LMAN2L: variants seen among roughly 807,000 people sequenced by gnomAD.
The protein encoded by LMAN2L is VIP36-like protein.
Under a neutral mutation model 44.3 loss-of-function variants are expected in LMAN2L, and 30 were observed. That is an observed-to-expected ratio of 0.68 (90% CI 0.51 to 0.92). The LOEUF (loss-of-function observed/expected upper bound fraction) is 0.92. Among genes scored for constraint, LMAN2L ranks in the 40% least tolerant of loss-of-function variants. The pLI, the probability that LMAN2L is intolerant of heterozygous loss-of-function variation, is 0.00. For missense variants in LMAN2L, 429 were observed against 446.1 expected (o/e 0.96, Z 0.35); for synonymous variants, 183 against 171.1 (o/e 1.07, Z -0.54).
In LMAN2L at chr2:96,715,165, C is replaced by T. The variant is rs147846020; in HGVS notation, c.508-3140G>A. Among the ~76,000 whole-genome samples the T allele has an allele frequency of 7.2e-3, 1,096 of 152,254 alleles. 15 individuals are homozygous for T. Among genetic ancestry groups the T allele is most frequent in the African/African-American group, 0.025 (1,021 of 41,536 alleles). ...TGTTGGTCAGGCTGGTCTCGAACTCCTGATCTCGTGATCTGCCCGTCTTGG... is the reference window on the plus strand; with the variant it reads ...TGTTGGTCAGGCTGGTCTCGAACTCTTGATCTCGTGATCTGCCCGTCTTGG... On this transcript the variant is annotated intron_variant, in intron 4 of 7. Coordinates refer to ENST00000264963, the MANE Select transcript of LMAN2L (RefSeq NM_030805.4).
chr2:96,737,899 C>CT, intron 2 of LMAN2L, 50 bp downstream of exon 2: 1 of 1,190,068 alleles, frequency 8.4e-7, no homozygotes, highest in South Asian at 1.2e-5. Flanking sequence ...CACTGCTGAA[C>CT]TTTTTAGGCC....
At chr2:96,722,048 A>T (rs907527170) in intron 4 of LMAN2L, among the ~76,000 whole-genome samples, 2 of 151,810 alleles carry the variant, frequency 1.3e-5, no homozygotes, top group Non-Finnish European at 2.9e-5. Context: ...GCTCACTGCA[A>T]GCTCCGCCTG....
At chr2:96,719,551 C>G (rs1204149989) in intron 4 of LMAN2L, among the ~76,000 whole-genome samples, 5 of 151,000 alleles carry the variant, frequency 3.3e-5, no homozygotes, top group Non-Finnish European at 5.9e-5. Flanking sequence ...AGTTCAAGAC[C>G]AGCCTTGAAA....
chr2:96,714,217 T>TA (rs1386546516), intron 4 of LMAN2L, among the ~76,000 whole-genome samples: 1 of 152,182 alleles, frequency 6.6e-6, no homozygotes, highest in African/African-American at 2.4e-5. Flanking sequence ...CTCAAGTAAT[T>TA]AGAGGGAGTC....
At chr2:96,716,064 T>C (rs2153323944) in intron 4 of LMAN2L, among the ~76,000 whole-genome samples, 1 of 152,316 alleles carries the variant, frequency 6.6e-6, no homozygotes, top group East Asian at 1.9e-4. Context: ...CAGGTACTCA[T>C]ATATATATAA....
rs1427333672 is a variant in LMAN2L at position 96,733,533 on chromosome 2, C to T, written c.493G>A (p.Glu165Lys). ...CTTGCCATTACCTCTTGCTGCTTCTCCTCATTGGGGTAGGTGTCTACAAAT... is the reference window on the plus strand; with the variant it reads ...CTTGCCATTACCTCTTGCTGCTTCTTCTCATTGGGGTAGGTGTCTACAAAT... ...GVFVDTYPNE[E>K]KQQERVFPYI... Residue 165 changes from glutamate (E) to lysine (K), a missense_variant, in exon 4 of 8, where the codon GAG (glutamate) becomes AAG (lysine). Physicochemically the swap from Glu to Lys is moderately conservative, Grantham distance 56. Coordinates refer to ENST00000264963, the MANE Select transcript of LMAN2L (RefSeq NM_030805.4). The T allele has an allele frequency of 6.2e-7, 1 of 1,613,726 alleles. No individual in the cohort carries two copies. Among genetic ancestry groups the T allele is most frequent in the Non-Finnish European group, 8.5e-7 (1 of 1,179,800 alleles).
At chr2:96,737,624 GTCT>G (rs1198559757) in intron 2 of LMAN2L, among the ~76,000 whole-genome samples, 9 of 152,262 alleles carry the variant, frequency 5.9e-5, no homozygotes, top group African/African-American at 2.2e-4. Context: ...CTGCACTCTG[GTCT>G]TCTTATAATC....
Position 96,733,512 on chromosome 2 carries a change from C to CTG in LMAN2L, c.507+6_507+7insCA, listed in dbSNP as rs776572510. 5 of 1,608,926 alleles carry CTG rather than the reference C, an allele frequency of 3.1e-6. No homozygotes were observed. In the African/African-American group the frequency reaches 6.7e-5, roughly 22 times the overall value. ...TAGCTGACCTAGGCTCTGACACTTG[C>CTG]CATTACCTCTTGCTGCTTCTCCTCA... On this transcript the variant is annotated splice_region_variant and intron_variant, in intron 4 of 7. Transcript: ENST00000264963.
intron 4 of LMAN2L, among the ~76,000 whole-genome samples, chr2:96,721,740 A>G (rs1194244788): frequency 1.3e-5 from 2 of 152,100 alleles, no homozygotes; most frequent in Admixed American, 6.6e-5. Flanking sequence ...TTGGCCTCCC[A>G]AAGTGTTGGG....
intron 4 of LMAN2L, among the ~76,000 whole-genome samples, chr2:96,723,855 G>A (rs1242076549): frequency 3.3e-5 from 5 of 152,092 alleles, no homozygotes; most frequent in Non-Finnish European, 2.9e-5. Flanking sequence ...CTGGGAGGCC[G>A]ACGCGGGTGG....
intron 4 of LMAN2L, among the ~76,000 whole-genome samples, chr2:96,732,316 G>GT (rs1264336170): frequency 6.6e-6 from 1 of 151,888 alleles, no homozygotes; most frequent in Admixed American, 6.6e-5. Flanking sequence ...TGGCAGTGCC[G>GT]TAGGACATAG....
intron 4 of LMAN2L, among the ~76,000 whole-genome samples, chr2:96,718,021 T>A (rs1200599116): frequency 1.3e-5 from 2 of 152,078 alleles, no homozygotes; most frequent in Non-Finnish European, 2.9e-5. Context: ...AATGGCGCGA[T>A]CTCGGCTCAC....
In LMAN2L at chr2:96,711,716, C is replaced by T. The variant is rs141144992; in HGVS notation, c.724G>A (p.Gly242Arg). The T allele has an allele frequency of 1.8e-5, 29 of 1,614,006 alleles. No individual in the cohort carries two copies. The highest frequency in any genetic ancestry group is 1.8e-4 in the East Asian group (8 of 44,906). ...HEWRDCIEVP[G>R]VRLPRGYYFG... ...TAGTAGCCGCGGGGCAGGCGGACTCCGGGCACTTCAATGCAGTCCCTCCAC... is the reference window on the plus strand; with the variant it reads ...TAGTAGCCGCGGGGCAGGCGGACTCTGGGCACTTCAATGCAGTCCCTCCAC... Residue 242 changes from glycine (G) to arginine (R), a missense_variant, in exon 6 of 8, where the codon GGA becomes AGA. Physicochemically the swap from Gly to Arg is moderately radical, Grantham distance 125 (BLOSUM62 -2). Transcript: ENST00000264963.
intron 4 of LMAN2L, among the ~76,000 whole-genome samples, chr2:96,723,622 A>G (rs1050590423): frequency 6.6e-6 from 1 of 151,944 alleles, no homozygotes; most frequent in Non-Finnish European, 1.5e-5. Flanking sequence ...AATCAATCCG[A>G]TATTTTTTTT....
At chr2:96,727,353 C>T (rs941779176) in intron 4 of LMAN2L, among the ~76,000 whole-genome samples, 4 of 152,170 alleles carry the variant, frequency 2.6e-5, no homozygotes, top group Middle Eastern at 3.4e-3. Flanking sequence ...GTTGAGGGGC[C>T]GGGTGCGGTG....
chr2:96,711,867 C>T lies in LMAN2L; in HGVS notation c.666G>A (p.Leu222=), dbSNP rs767479322. 3 of 1,614,100 alleles carry T rather than the reference C, an allele frequency of 1.9e-6. No homozygotes were observed. The highest frequency in any genetic ancestry group is 2.5e-6 in the Non-Finnish European group (3 of 1,180,044). ...GGTCCAGGACAAGGACTCTCACCGT[C>T]AAATGCCTCTTGACGTAGCGAATCA... The part of the protein sequence containing the change: ...FLVIRYVKRH[L]TIMMDIDGKH... The change falls in exon 5 of 8, where the codon TTG becomes TTA. Residue 222 remains leucine (L), a synonymous_variant. Coordinates refer to ENST00000264963, the MANE Select transcript of LMAN2L (RefSeq NM_030805.4).
Position 96,707,365 on chromosome 2 carries a change from G to T in LMAN2L, c.938C>A (p.Ala313Asp). Residue 313 changes from alanine (A) to aspartate (D), a missense_variant, in exon 8 of 8, where the codon GCC becomes GAC. By Grantham distance (126) the Ala-to-Asp change is moderately radical (BLOSUM62 -2). Coordinates refer to ENST00000264963, the MANE Select transcript of LMAN2L (RefSeq NM_030805.4). ...TAPLPPLSGL[A>D]LFLIVFFSLV... ...GGAGAAAAAGACGATGAGGAAGAGG[G>T]CCAGGCCACTCAGGGGCGGCAGTGG... is the stretch of plus-strand genomic sequence containing the variant. 2 of 1,613,378 alleles carry T rather than the reference G, an allele frequency of 1.2e-6. No homozygotes were observed. The highest frequency in any genetic ancestry group is 1.7e-6 in the Non-Finnish European group (2 of 1,179,686).
intron 1 of LMAN2L, among the ~76,000 whole-genome samples, chr2:96,738,885 C>A (rs981596299): frequency 1.3e-5 from 2 of 152,038 alleles, no homozygotes; most frequent in Admixed American, 6.6e-5. Flanking sequence ...GGACTACAGG[C>A]GCCCGCCACC....
At chr2:96,736,273 CCT>C (rs2078513866) in intron 2 of LMAN2L, among the ~76,000 whole-genome samples, 1 of 152,168 alleles carries the variant, frequency 6.6e-6, no homozygotes, top group Non-Finnish European at 1.5e-5. Flanking sequence ...CAAGCTGCAC[CCT>C]ATTCCAATTA....
Sources: allele counts gnomAD v4.1 joint callset (sites outside exome capture counted in the v4.1 genomes callset), GRCh38; gene constraint gnomAD v4.1.1; transcripts MANE v1.5; gene names NCBI Gene and HGNC (gene_info 2026-07-23, HGNC 2026-07-21).